SLC5A7: variants seen among roughly 807,000 people sequenced by gnomAD.
SLC5A7 encodes high affinity choline transporter 1.
SLC5A7 carries 19 observed loss-of-function variants against 55.4 expected under a neutral mutation model. That is an observed-to-expected ratio of 0.34 (90% confidence interval 0.24 to 0.50). The LOEUF (loss-of-function observed/expected upper bound fraction) is 0.50, where lower values mean the gene tolerates loss of function less well. Ranked by LOEUF, SLC5A7 falls within the 20% of genes least tolerant of loss-of-function variation. SLC5A7 has a pLI of 0.98. For synonymous variants in SLC5A7, 265 were observed against 263.7 expected, an observed-to-expected ratio of 1.00 and a Z score of -0.05; for missense variants, 506 against 705.3, an observed-to-expected ratio of 0.72 and a Z score of 3.20.
At chr2:108,008,740 G>A in intron 8 of SLC5A7, 58 bp downstream of exon 8, 1 of 1,251,528 alleles carries the variant, frequency 8.0e-7, no homozygotes, top group Admixed American at 1.9e-5. Flanking sequence ...TGCTTCTGAT[G>A]TTGTATTTGT....
chr2:108,006,263 C>T (rs1452635201), intron 7 of SLC5A7, 61 bp downstream of exon 7: 1 of 1,584,588 alleles, frequency 6.3e-7, no homozygotes, highest in Non-Finnish European at 8.6e-7. Flanking sequence ...ACCCAGACAC[C>T]CTTCTGTCCC....
Position 107,992,963 on chromosome 2 carries a change from A to C in SLC5A7, c.293-9A>C. 1 of 1,612,100 alleles carries C rather than the reference A, an allele frequency of 6.2e-7. No individual in the cohort carries two copies. The highest frequency in any genetic ancestry group is 1.1e-5 in the South Asian group (1 of 90,856). ...TTTATTTTCTCCTAAACAGTTGCTTAATTTTTAGGTGGCCTGTTCTTTGCA... is the reference window on the plus strand; with the variant it reads ...TTTATTTTCTCCTAAACAGTTGCTTCATTTTTAGGTGGCCTGTTCTTTGCA... On this transcript the variant is annotated splice_polypyrimidine_tract_variant and intron_variant, in intron 3 of 8. Transcript: ENST00000264047.
intron 6 of SLC5A7, among the ~76,000 whole-genome samples, chr2:108,002,762 A>G (rs1303687836): frequency 6.6e-6 from 1 of 152,144 alleles, no homozygotes; most frequent in Non-Finnish European, 1.5e-5. Context: ...CACCCTGGTA[A>G]TCTCAGCCCT....
chr2:107,992,269 C>A lies in SLC5A7; in HGVS notation c.292+50C>A. 6.5e-6 allele frequency: 7 copies of A among 1,079,218 alleles called. No homozygotes were observed. The South Asian group carries it at 6.8e-5, about 11-fold the overall frequency. The allele number at this position is 1,079,218 out of a possible 1,614,324, so 66.9% of individuals were successfully genotyped here. ...GACTCACTCAGTAAAGTATACAGAA[C>A]AAGAGTATAAATAACAAGTGGAATA... On this transcript the variant is annotated intron_variant, in intron 3 of 8. Transcript: ENST00000264047.
chr2:107,987,475 AC>A (rs1265374580), intron 1 of SLC5A7, among the ~76,000 whole-genome samples: 2 of 152,218 alleles, frequency 1.3e-5, no homozygotes, highest in Non-Finnish European at 2.9e-5. Flanking sequence ...ACAACAAAAA[AC>A]ATACTTAGTT....
chr2:107,998,529 GAGTATTATT>G (rs1677766561), intron 5 of SLC5A7, among the ~76,000 whole-genome samples: 1 of 152,126 alleles, frequency 6.6e-6, no homozygotes, highest in South Asian at 2.1e-4. Context: ...TATGAGACAT[GAGTATTATT>G]AGTATTATTA....
intron 5 of SLC5A7, among the ~76,000 whole-genome samples, chr2:108,000,822 C>A (rs1177613173): frequency 6.6e-6 from 1 of 151,912 alleles, no homozygotes; most frequent in Non-Finnish European, 1.5e-5. Context: ...CTAGAACTCC[C>A]GAGCACAAGC....
chr2:107,989,955 C>T (rs1275760433), intron 2 of SLC5A7, among the ~76,000 whole-genome samples: 1 of 151,800 alleles, frequency 6.6e-6, no homozygotes, highest in East Asian at 1.9e-4. Flanking sequence ...TTATAAAGGG[C>T]CATGATCTTC....
chr2:108,002,987 T>TTCTA (rs1677974975), intron 6 of SLC5A7, among the ~76,000 whole-genome samples: 2 of 152,214 alleles, frequency 1.3e-5, no homozygotes, highest in African/African-American at 4.8e-5. Flanking sequence ...CATGGCTGAA[T>TTCTA]TCTAGCATTA....
rs921635754 is a variant in SLC5A7 at position 107,986,667 on chromosome 2, G to T, written c.-148G>T. 1 of 144,042 alleles carries T rather than the reference G, an allele frequency of 6.9e-6. No individual in the cohort carries two copies. Among genetic ancestry groups the T allele is most frequent in the Non-Finnish European group, 1.5e-5 (1 of 65,606 alleles). 8.9% of individuals were successfully genotyped at this position (144,042 alleles called of 1,614,324 possible). On this transcript the variant is annotated 5_prime_UTR_variant, in exon 1 of 9. Coordinates refer to ENST00000264047, the MANE Select transcript of SLC5A7 (RefSeq NM_021815.5). Reference sequence around the variant, plus strand: ...TCCGCACTGCACCCCGACCCACCCCGCACCCTCCCTTTCTGCACCCTCGCA... The same window carrying T: ...TCCGCACTGCACCCCGACCCACCCCTCACCCTCCCTTTCTGCACCCTCGCA...
intron 4 of SLC5A7, among the ~76,000 whole-genome samples, chr2:107,996,150 A>T (rs1412069974): frequency 6.6e-6 from 1 of 152,144 alleles, no homozygotes; most frequent in Admixed American, 6.5e-5. Flanking sequence ...AAGCGTTATT[A>T]AAGTGGAGAA....
At chr2:107,996,478 T>C (rs1401449469) in intron 4 of SLC5A7, among the ~76,000 whole-genome samples, 1 of 152,214 alleles carries the variant, frequency 6.6e-6, no homozygotes, top group African/African-American at 2.4e-5. Flanking sequence ...TCCAGTGGGT[T>C]GCATATACTA....
intron 4 of SLC5A7, among the ~76,000 whole-genome samples, chr2:107,996,389 C>A (rs1165135462): frequency 6.6e-6 from 1 of 152,022 alleles, no homozygotes; most frequent in Admixed American, 6.6e-5. Flanking sequence ...TATTTTATCA[C>A]CATAGCAAAA....
At chr2:108,009,243 C>T (rs1035103496) in intron 8 of SLC5A7, among the ~76,000 whole-genome samples, 1 of 151,832 alleles carries the variant, frequency 6.6e-6, no homozygotes, top group Admixed American at 6.6e-5. Flanking sequence ...CAAAACAATC[C>T]CAGTGTTTTT....
chr2:107,989,566 G>A (rs985161166), intron 2 of SLC5A7, among the ~76,000 whole-genome samples: 11 of 152,042 alleles, frequency 7.2e-5, no homozygotes, highest in Non-Finnish European at 8.8e-5. Flanking sequence ...GAGATCCCGG[G>A]TTACAAGGTT....
intron 4 of SLC5A7, among the ~76,000 whole-genome samples, chr2:107,994,358 C>A (rs10187243): frequency 0.17 from 26,044 of 152,034 alleles, 2,437 homozygotes; most frequent in South Asian, 0.31. Context: ...CCAAGGAGGG[C>A]GGATCACGAG....
intron 4 of SLC5A7, among the ~76,000 whole-genome samples, chr2:107,997,569 G>A (rs1251733582): frequency 6.6e-6 from 1 of 152,136 alleles, no homozygotes; most frequent in East Asian, 1.9e-4. Context: ...GTAATTCAGG[G>A]TCTTCTATAA....
At chr2:107,995,444 GGAGAGAGAGA>G (rs67365376) in intron 4 of SLC5A7, among the ~76,000 whole-genome samples, 3 of 139,930 alleles carry the variant, frequency 2.1e-5, no homozygotes, top group East Asian at 2.2e-4. Context: ...GAACTCTTTG[GGAGAGAGAGA>G]GAGAGAGAGA....
intron 2 of SLC5A7, among the ~76,000 whole-genome samples, chr2:107,991,440 C>G (rs1375164792): frequency 6.6e-6 from 1 of 152,150 alleles, no homozygotes; most frequent in African/African-American, 2.4e-5. Context: ...GAAGTGTCAT[C>G]TCGATCCTCT....
Sources: gnomAD v4.1 joint callset for allele counts (sites outside exome capture counted in the v4.1 genomes callset) on GRCh38, gnomAD v4.1.1 for gene constraint, MANE v1.5 for transcripts, NCBI Gene and HGNC (gene_info 2026-07-23, HGNC 2026-07-21) for gene names.